Variants in ITGA5 observed in about 807,000 individuals in gnomAD.
ITGA5 encodes integrin subunit alpha 5, also known as integrin alpha-5.
Under a neutral mutation model 146.3 loss-of-function variants are expected in ITGA5, and 55 were observed. The ratio of observed to expected loss-of-function variants is 0.38; its 90% confidence interval spans 0.30 to 0.47. ITGA5 has a LOEUF of 0.47. Ranked by LOEUF, ITGA5 falls within the 20% of genes least tolerant of loss-of-function variation. The probability of loss-of-function intolerance (pLI) is 0.99; values close to 1 mark genes in which losing one functional copy is unlikely to be tolerated. For synonymous variants in ITGA5, 500 were observed against 531.8 expected, an observed-to-expected ratio of 0.94 and a Z score of 0.82; for missense variants, 1,131 against 1,329.0, an observed-to-expected ratio of 0.85 and a Z score of 2.32.
In ITGA5 at chr12:54,403,436, C is replaced by T; in HGVS notation, c.1777-112G>A. 1 of 1,366,498 alleles carries T rather than the reference C, an allele frequency of 7.3e-7. No homozygotes were observed. Among genetic ancestry groups the T allele is most frequent in the Non-Finnish European group, 9.9e-7 (1 of 1,008,642 alleles). The allele number at this position is 1,366,498 out of a possible 1,614,324, so 84.6% of individuals were successfully genotyped here. A position where few individuals can be genotyped will look rare whatever the true frequency, so the allele number is the denominator to read the frequency against. ...CTGCTTAGGGCCCAATTCCGACCAT[C>T]CTCATTGTTTCAGAGGCCCTGGCAG... On this transcript the variant is annotated intron_variant, in intron 17 of 29. Transcript: ENST00000293379. The surrounding 1 kb of genome is among the most constrained non-coding windows in gnomAD (Gnocchi z 4.9).
In ITGA5 at chr12:54,398,910, G is replaced by A. The variant is rs140877511; in HGVS notation, c.2842-212C>T. The A allele has an allele frequency of 6.8e-4, 301 of 443,038 alleles. 2 individuals are homozygous for A. Among genetic ancestry groups the A allele is most frequent in the Middle Eastern group, 1.7e-3 (3 of 1,796 alleles). The allele number at this position is 443,038 out of a possible 1,614,324, so 27.4% of individuals were successfully genotyped here. A position where few individuals can be genotyped will look rare whatever the true frequency, so the allele number is the denominator to read the frequency against. On this transcript the variant is annotated intron_variant, in intron 27 of 29. Coordinates refer to ENST00000293379, the MANE Select transcript of ITGA5 (RefSeq NM_002205.5). ...GCTGGAGTGCAGTGGTGTGGGCTTAGGTCACTGCAACCTCCACCTCCTGGG... is the reference window on the plus strand; with the variant it reads ...GCTGGAGTGCAGTGGTGTGGGCTTAAGTCACTGCAACCTCCACCTCCTGGG...
chr12:54,418,160 T>A (rs961948944), intron 1 of ITGA5, among the ~76,000 whole-genome samples: 1 of 151,724 alleles, frequency 6.6e-6, no homozygotes, highest in African/African-American at 2.4e-5. Flanking sequence ...GGAAACCAGC[T>A]TTTCTCTTCC....
At chr12:54,415,801 A>C (rs1956000237) in intron 1 of ITGA5, among the ~76,000 whole-genome samples, 1 of 152,158 alleles carries the variant, frequency 6.6e-6, no homozygotes, top group South Asian at 2.1e-4. Flanking sequence ...GGGGTCCCCT[A>C]GTGCATTCAC....
chr12:54,407,747 T>C (rs370025775), intron 8 of ITGA5, 55 bp from the exon 9 acceptor site: 7 of 1,604,566 alleles, frequency 4.4e-6, no homozygotes, highest in Middle Eastern at 1.6e-4. Context: ...AAGCAGATAA[T>C]GGTAAGTGGC....
rs1394595711 is a variant in ITGA5 at position 54,400,957 on chromosome 12, C to T, written c.2532G>A (p.Val844=). 2 of 1,613,934 alleles carry T rather than the reference C, an allele frequency of 1.2e-6. No individual in the cohort carries two copies. Among genetic ancestry groups the T allele is most frequent in the Admixed American group, 1.7e-5 (1 of 59,990 alleles). ...NQGPSSISQG[V]LELSCPQALE... ...GAGCCTGGGGACAGCTGAGTTCCAGCACACCCTGGCTAATGGAGCTGGGGC... is the reference window on the plus strand; with the variant it reads ...GAGCCTGGGGACAGCTGAGTTCCAGTACACCCTGGCTAATGGAGCTGGGGC... Residue 844 remains valine, a synonymous_variant, in exon 25 of 30, where the codon GTG becomes GTA. Transcript: ENST00000293379.
chr12:54,405,356 C>T lies in ITGA5; in HGVS notation c.1035G>A (p.Val345=), dbSNP rs1291145727. ...TCCGATCCATGAGCAGGGGTGCCCCCACCAGCAAGTCATCCAGCCTGAGGG... is the reference window on the plus strand; with the variant it reads ...TCCGATCCATGAGCAGGGGTGCCCCTACCAGCAAGTCATCCAGCCTGAGGG... The part of the protein sequence containing the change: ...VNGDGLDDLL[V]GAPLLMDRTP... Residue 345 remains valine (V), a synonymous_variant, in exon 12 of 30, where the codon GTG becomes GTA. Coordinates refer to ENST00000293379, the MANE Select transcript of ITGA5 (RefSeq NM_002205.5). The T allele has an allele frequency of 1.3e-5, 21 of 1,607,326 alleles. No homozygotes were observed. Among genetic ancestry groups the T allele is most frequent in the Non-Finnish European group, 1.6e-5 (19 of 1,176,988 alleles).
chr12:54,401,105 A>T lies in ITGA5; in HGVS notation c.2494-110T>A. 1 of 1,162,596 alleles carries T rather than the reference A, an allele frequency of 8.6e-7. No individual in the cohort carries two copies. The highest frequency in any genetic ancestry group is 1.2e-6 in the Non-Finnish European group (1 of 823,388). 72.0% of individuals were successfully genotyped at this position (1,162,596 alleles called of 1,614,324 possible). A position where few individuals can be genotyped will look rare whatever the true frequency, so the allele number is the denominator to read the frequency against. On this transcript the variant is annotated intron_variant, in intron 24 of 29. Coordinates refer to ENST00000293379, the MANE Select transcript of ITGA5 (RefSeq NM_002205.5). This position sits in a 1 kb window ranked among gnomAD's most constrained non-coding sequence, Gnocchi z 5.0. ...TACCCTGCTGTCAGGCTCCTATCTC[A>T]GAGATGAAGCAGGGAAGCAATGGGC...
chr12:54,405,431 A>T, intron 11 of ITGA5, 57 bp from the exon 12 acceptor site: 1 of 1,368,052 alleles, frequency 7.3e-7, no homozygotes, highest in Non-Finnish European at 1.0e-6. Flanking sequence ...CCCCACCCCA[A>T]TCCTAGTGCT....
chr12:54,418,151 G>T (rs1251928904), intron 1 of ITGA5, among the ~76,000 whole-genome samples: 1 of 151,996 alleles, frequency 6.6e-6, no homozygotes, highest in Non-Finnish European at 1.5e-5. Context: ...CCAGCTACAG[G>T]AAACCAGCTT....
chr12:54,409,122 C>T lies in ITGA5; in HGVS notation c.583+110G>A. The T allele has an allele frequency of 6.7e-7, 1 of 1,499,208 alleles. No individual in the cohort carries two copies. The highest frequency in any genetic ancestry group is 1.3e-5 in the South Asian group (1 of 79,972). The allele number at this position is 1,499,208 out of a possible 1,614,324, so 92.9% of individuals were successfully genotyped here. ...CTGGGTTAGCCTTTATCTTAAGCAA[C>T]CTAGAACCTCATGGGGGCACATGGT... is the stretch of plus-strand genomic sequence containing the variant. On this transcript the variant is annotated intron_variant, in intron 4 of 29. Transcript: ENST00000293379. The surrounding 1 kb of genome is among the most constrained non-coding windows in gnomAD (Gnocchi z 4.7).
rs1955704741 is a variant in ITGA5, at chr12:54,396,092, G to A, written c.*201C>T. ...ATGAAGAGGGTATGTGTAAACAAGG[G>A]TCCTTCACAGTGCATGGGGGGGAGG... On this transcript the variant is annotated 3_prime_UTR_variant, in exon 30 of 30. Transcript: ENST00000293379. 1 of 569,380 alleles carries A rather than the reference G, an allele frequency of 1.8e-6. No individual in the cohort carries two copies. The highest frequency in any genetic ancestry group is 3.2e-6 in the Non-Finnish European group (1 of 317,036). The allele number at this position is 569,380 out of a possible 1,614,324, so 35.3% of individuals were successfully genotyped here. A position where few individuals can be genotyped will look rare whatever the true frequency, so the allele number is the denominator to read the frequency against.
At chr12:54,410,503 G>A (rs2120546247) in intron 2 of ITGA5, among the ~76,000 whole-genome samples, 1 of 151,218 alleles carries the variant, frequency 6.6e-6, no homozygotes, top group African/African-American at 2.4e-5. Context: ...ACTAATTTTT[G>A]TGTTTTTTGT....
At chr12:54,414,440 A>G (rs898050735) in intron 1 of ITGA5, among the ~76,000 whole-genome samples, 1 of 152,032 alleles carries the variant, frequency 6.6e-6, no homozygotes, top group Non-Finnish European at 1.5e-5. Flanking sequence ...GCTAATTAAA[A>G]CCTCAAGTGT....
At chr12:54,415,099 G>C (rs1955991436) in intron 1 of ITGA5, among the ~76,000 whole-genome samples, 1 of 152,184 alleles carries the variant, frequency 6.6e-6, no homozygotes, top group Non-Finnish European at 1.5e-5. Flanking sequence ...GGTGAGCCGA[G>C]ATTGCGCCAT....
intron 2 of ITGA5, among the ~76,000 whole-genome samples, chr12:54,410,014 A>G (rs12318211): frequency 0.036 from 5,481 of 151,878 alleles, 230 homozygotes; most frequent in African/African-American, 0.096. Flanking sequence ...GCGTCACCAC[A>G]CCTGGCTAAT....
rs202019969 is a variant in ITGA5 at position 54,397,201 on chromosome 12, G to C, written c.3066+164C>G. 125 of 633,384 alleles carry C rather than the reference G, an allele frequency of 2.0e-4. No individual in the cohort carries two copies. The East Asian group carries it at 3.2e-3, about 16-fold the overall frequency. The allele number at this position is 633,384 out of a possible 1,614,324, so 39.2% of individuals were successfully genotyped here. A position where few individuals can be genotyped will look rare whatever the true frequency, so the allele number is the denominator to read the frequency against. On this transcript the variant is annotated intron_variant, in intron 29 of 29. Transcript: ENST00000293379. The stretch of plus-strand genomic sequence containing the variant: ...CTAAGCTAGGGGCTATAGAATGAAG[G>C]GGGGGATCTTATAGGAAGGGTTAGG...
chr12:54,401,963 C>T lies in ITGA5; in HGVS notation c.2226+38G>A. ...TGGCTGGTTACCGCCCTCAGGTCTG[C>T]TCTCCCTCTGTCCCATCCTCTTTCA... On this transcript the variant is annotated intron_variant, in intron 21 of 29. Coordinates refer to ENST00000293379, the MANE Select transcript of ITGA5 (RefSeq NM_002205.5). The surrounding 1 kb of genome is among the most constrained non-coding windows in gnomAD (Gnocchi z 5.0). 3 of 1,608,692 alleles carry T rather than the reference C, an allele frequency of 1.9e-6. No individual in the cohort carries two copies. The highest frequency in any genetic ancestry group is 1.7e-6 in the Non-Finnish European group (2 of 1,175,210).
Position 54,419,082 on chromosome 12 carries a change from G to A in ITGA5, c.117C>T (p.Val39=), listed in dbSNP as rs780678841. ...LLLLLPPPPR[V]GGFNLDAEAP... ...CCTCCGCGTCTAAGTTGAAGCCCCC[G>A]ACCCTGGGTGGCGGCGGCAGCAGCA... Residue 39 remains valine, a synonymous_variant, in exon 1 of 30, where the codon GTC becomes GTT. Transcript: ENST00000293379. The A allele has an allele frequency of 3.2e-6, 5 of 1,586,138 alleles. No homozygotes were observed. In the African/African-American group the frequency reaches 5.4e-5, roughly 17 times the overall value.
At chr12:54,412,292 C>T (rs1017691491) in intron 1 of ITGA5, 8 of 206,836 alleles carry the variant, frequency 3.9e-5, no homozygotes, top group East Asian at 2.2e-4. Context: ...CCCCTGGCTT[C>T]TCCCTCTCCT....
Sources: gnomAD v4.1 joint callset for allele counts (sites outside exome capture counted in the v4.1 genomes callset) on GRCh38, gnomAD v4.1.1 for gene constraint, Gnocchi (gnomAD v3.1) non-coding constraint, MANE v1.5 for transcripts, NCBI Gene and HGNC (gene_info 2026-07-23, HGNC 2026-07-21) for gene names.